Variants in DPP6 observed in about 807,000 individuals in gnomAD.
The protein encoded by DPP6 is A-type potassium channel modulatory protein DPP6.
Under a neutral mutation model 122.6 loss-of-function variants are expected in DPP6, and 69 were observed. That is an observed-to-expected ratio of 0.56 (90% CI 0.46 to 0.69). The LOEUF (loss-of-function observed/expected upper bound fraction) is 0.69. Ranked by LOEUF, DPP6 falls within the 30% of genes least tolerant of loss-of-function variation. The probability of loss-of-function intolerance (pLI) is 0.00; values close to 1 mark genes in which losing one functional copy is unlikely to be tolerated. For missense variants in DPP6, 928 were observed against 1,116.9 expected, an observed-to-expected ratio of 0.83 and a Z score of 2.41; for synonymous variants, 418 against 433.1, an observed-to-expected ratio of 0.97 and a Z score of 0.43.
At chr7:154,588,070 A>T in intron 5 of DPP6, 1 of 1,605,724 alleles carries the variant, frequency 6.2e-7, no homozygotes, top group Non-Finnish European at 8.5e-7. Context: ...TTCGGGCCAG[A>T]GAGCAACCGA....
chr7:154,762,879 G>A lies in DPP6; in HGVS notation c.884-6538G>A, dbSNP rs548374557. ...CCAGGCAACAGGAGGCTCCCAATGT[G>A]TCCAACCTGCCTCCGATGGTGCAAT... On this transcript the variant is annotated intron_variant, in intron 8 of 25. Coordinates refer to ENST00000377770, the MANE Select transcript of DPP6 (RefSeq NM_130797.4). Among the ~76,000 whole-genome samples the A allele has an allele frequency of 3.0e-3, 452 of 152,334 alleles. 1 individual carries two copies. Among genetic ancestry groups the A allele is most frequent in the Non-Finnish European group, 4.8e-3 (329 of 68,028 alleles).
chr7:154,167,232 T>C (rs2150720615), intron 1 of DPP6, among the ~76,000 whole-genome samples: 1 of 152,254 alleles, frequency 6.6e-6, no homozygotes, highest in Non-Finnish European at 1.5e-5. Flanking sequence ...AGGCGTGGTG[T>C]GTGCTGCATT....
chr7:154,066,269 A>G (rs573393126), intron 1 of DPP6, among the ~76,000 whole-genome samples: 1 of 152,230 alleles, frequency 6.6e-6, no homozygotes, highest in African/African-American at 2.4e-5. Flanking sequence ...TATGTTGGCC[A>G]GGCTGGTGTT....
chr7:154,141,315 A>G (rs2150662284), intron 1 of DPP6, among the ~76,000 whole-genome samples: 1 of 152,334 alleles, frequency 6.6e-6, no homozygotes, highest in African/African-American at 2.4e-5. Context: ...AAAACACCAT[A>G]TGCACCTTAC....
At chr7:154,738,344 C>T (rs1842663094) in intron 8 of DPP6, among the ~76,000 whole-genome samples, 3 of 152,202 alleles carry the variant, frequency 2.0e-5, no homozygotes, top group Admixed American at 1.3e-4. Context: ...TCTTCCTCTT[C>T]GTGGCTCCTT....
intron 10 of DPP6, among the ~76,000 whole-genome samples, chr7:154,792,759 G>A (rs1171892106): frequency 2.0e-5 from 3 of 152,236 alleles, no homozygotes; most frequent in Non-Finnish European, 4.4e-5. Flanking sequence ...AGGCACGAGA[G>A]CTGGATTACA....
intron 1 of DPP6, among the ~76,000 whole-genome samples, chr7:154,432,531 G>C (rs575205535): frequency 6.6e-6 from 1 of 152,144 alleles, no homozygotes; most frequent in East Asian, 1.9e-4. Context: ...TTTTCGGGGG[G>C]AAACACACAC....
At chr7:154,646,910 C>T (rs2130969372) in intron 6 of DPP6, among the ~76,000 whole-genome samples, 1 of 152,314 alleles carries the variant, frequency 6.6e-6, no homozygotes, top group Admixed American at 6.5e-5. Context: ...GTCATTGCAG[C>T]TACTCTTTTC....
At chr7:153,761,303 TTAAAA>T in the DPP6 span, among the ~76,000 whole-genome samples, 2 of 152,320 alleles carry the variant, frequency 1.3e-5, no homozygotes, top group South Asian at 2.1e-4. Context: ...AATCATGACT[TTAAAA>T]TAAAATGGGC....
chr7:154,790,443 G>A (rs1039138723), intron 10 of DPP6, among the ~76,000 whole-genome samples: 1 of 152,132 alleles, frequency 6.6e-6, no homozygotes, highest in Non-Finnish European at 1.5e-5. Context: ...GAGCCCTTAT[G>A]GATGCATGTA....
chr7:154,728,737 C>A (rs1057278808), intron 8 of DPP6, among the ~76,000 whole-genome samples: 4 of 152,214 alleles, frequency 2.6e-5, no homozygotes, highest in African/African-American at 9.6e-5. Context: ...GGCAGACCCA[C>A]TGTCTGGTGA....
chr7:153,861,342 CTAAG>C, the DPP6 span, among the ~76,000 whole-genome samples: 42 of 152,300 alleles, frequency 2.8e-4, no homozygotes, highest in African/African-American at 4.3e-4. Context: ...GCTACACTCT[CTAAG>C]TAAGACATAT....
intron 5 of DPP6, among the ~76,000 whole-genome samples, chr7:154,583,276 G>C (rs953919368): frequency 6.6e-6 from 1 of 152,226 alleles, no homozygotes; most frequent in Non-Finnish European, 1.5e-5. Flanking sequence ...TCGGTTTCTG[G>C]TGACGGCTCA....
the DPP6 span, among the ~76,000 whole-genome samples, chr7:153,867,572 G>A: frequency 2.0e-5 from 3 of 152,188 alleles, no homozygotes; most frequent in Non-Finnish European, 2.9e-5. Context: ...GGGTTTTCTA[G>A]ATATACAATC....
intron 1 of DPP6, among the ~76,000 whole-genome samples, chr7:154,195,548 TGGCACTGATGGGATGACTCCAG>T: frequency 6.6e-6 from 1 of 152,124 alleles, no homozygotes; most frequent in Non-Finnish European, 1.5e-5. Flanking sequence ...TGCTCTTCTG[TGGCACTGATGGGATGACTCCAG>T]GAAGTCTATG....
intron 7 of DPP6, among the ~76,000 whole-genome samples, chr7:154,702,538 T>TGATATC (rs1213424648): frequency 3.3e-5 from 5 of 152,262 alleles, no homozygotes; most frequent in Non-Finnish European, 7.3e-5. Context: ...GAGAAAGGTT[T>TGATATC]CATGCTCTGG....
intron 1 of DPP6, among the ~76,000 whole-genome samples, chr7:154,047,155 A>G (rs1201053537): frequency 6.6e-6 from 1 of 151,538 alleles, no homozygotes; most frequent in Non-Finnish European, 1.5e-5. Context: ...TGTGGCTCAC[A>G]GTCAGTTCTA....
At chr7:154,703,711 G>A (rs957919447) in intron 7 of DPP6, among the ~76,000 whole-genome samples, 2 of 152,178 alleles carry the variant, frequency 1.3e-5, no homozygotes, top group Admixed American at 6.5e-5. Flanking sequence ...GCCAAAGCGG[G>A]CAGATCATGA....
chr7:154,780,926 T>A (rs563073915), intron 10 of DPP6, among the ~76,000 whole-genome samples: 3 of 151,884 alleles, frequency 2.0e-5, no homozygotes, highest in African/African-American at 7.3e-5. Flanking sequence ...AGGGGATAGA[T>A]AGATGAATAG....
Sources: allele counts gnomAD v4.1 joint callset (sites outside exome capture counted in the v4.1 genomes callset), GRCh38; gene constraint gnomAD v4.1.1; transcripts MANE v1.5; gene names NCBI Gene and HGNC (gene_info 2026-07-23, HGNC 2026-07-21).